The following AKAP19 variants were observed in gnomAD, a reference collection of about 807,000 sequenced individuals.
AKAP19 encodes A-kinase anchoring protein 19.
At chr2:190,102,323 G>C in the AKAP19 span, among the ~76,000 whole-genome samples, 1 of 149,790 alleles carries the variant, frequency 6.7e-6, no homozygotes, top group Admixed American at 6.6e-5. Flanking sequence ...CAGAAGAAGA[G>C]GAATAACTAA....
At chr2:190,169,269 A>G in the AKAP19 span, among the ~76,000 whole-genome samples, 9 of 152,086 alleles carry the variant, frequency 5.9e-5, no homozygotes, top group African/African-American at 1.7e-4. Context: ...CCCATGATTC[A>G]ATTACCTCCC....
chr2:190,029,311 G>A, the AKAP19 span, among the ~76,000 whole-genome samples: 1 of 152,058 alleles, frequency 6.6e-6, no homozygotes, highest in East Asian at 1.9e-4. Flanking sequence ...CTCGGCCTCC[G>A]AGAGTGCAGG....
chr2:189,879,571 C>T, the AKAP19 span: 1 of 152,370 alleles, frequency 6.6e-6, no homozygotes, highest in Non-Finnish European at 1.5e-5. Flanking sequence ...CAATCTTCCG[C>T]AGCGCTCCCA....
At chr2:190,181,626 T>C in the AKAP19 span, among the ~76,000 whole-genome samples, 4 of 152,156 alleles carry the variant, frequency 2.6e-5, no homozygotes, top group African/African-American at 7.2e-5. Flanking sequence ...AGCGGAACAA[T>C]TGGAGTTGTC....
chr2:189,923,799 G>A, the AKAP19 span: 4 of 1,612,326 alleles, frequency 2.5e-6, no homozygotes, highest in African/African-American at 1.3e-5. Flanking sequence ...ACTTCACAAA[G>A]GGGCATAAGT....
the AKAP19 span, among the ~76,000 whole-genome samples, chr2:189,966,401 G>A: frequency 1.6e-4 from 25 of 152,096 alleles, no homozygotes; most frequent in African/African-American, 5.8e-4. Flanking sequence ...CCTTCAATTT[G>A]TAAAAAATGC....
the AKAP19 span, among the ~76,000 whole-genome samples, chr2:189,963,197 C>CTTTTTTTTTT: frequency 1.4e-4 from 4 of 28,326 alleles, no homozygotes; most frequent in Non-Finnish European, 7.1e-4. Context: ...GGCTTCACTT[C>CTTTTTTTTTT]TCTTTTTTTT....
the AKAP19 span, among the ~76,000 whole-genome samples, chr2:190,170,250 A>G: frequency 6.6e-6 from 1 of 152,318 alleles, no homozygotes; most frequent in East Asian, 1.9e-4. Context: ...ATCTCTAAAT[A>G]TGATCACATT....
At chr2:190,157,323 A>G in the AKAP19 span, among the ~76,000 whole-genome samples, 1 of 151,100 alleles carries the variant, frequency 6.6e-6, no homozygotes, top group Non-Finnish European at 1.5e-5. Flanking sequence ...AGTATATAAA[A>G]TAAGATCACA....
the AKAP19 span, among the ~76,000 whole-genome samples, chr2:190,084,859 C>G: frequency 6.6e-6 from 1 of 152,318 alleles, no homozygotes; most frequent in African/African-American, 2.4e-5. Flanking sequence ...AGGGTTTTAT[C>G]TGGGGACAGA....
chr2:190,071,066 G>A, the AKAP19 span, among the ~76,000 whole-genome samples: 3 of 152,298 alleles, frequency 2.0e-5, no homozygotes, highest in South Asian at 6.2e-4. Context: ...CCAACTGAGT[G>A]TGGGCCTAGG....
At chr2:190,005,210 G>A in the AKAP19 span, among the ~76,000 whole-genome samples, 19 of 152,280 alleles carry the variant, frequency 1.2e-4, no homozygotes, top group East Asian at 5.8e-4. Context: ...CAAAGCTTCC[G>A]CAGCATGCAG....
the AKAP19 span, among the ~76,000 whole-genome samples, chr2:190,169,793 A>G: frequency 6.6e-6 from 1 of 152,208 alleles, no homozygotes; most frequent in Non-Finnish European, 1.5e-5. Flanking sequence ...TATTAGCTGG[A>G]TGCTTTAAGA....
At chr2:189,968,662 G>A in the AKAP19 span, among the ~76,000 whole-genome samples, 3 of 152,252 alleles carry the variant, frequency 2.0e-5, no homozygotes, top group Admixed American at 2.0e-4. Context: ...CAGAAAGGTT[G>A]AGAGTAGAAG....
chr2:190,185,605 G>C, the AKAP19 span, among the ~76,000 whole-genome samples: 1 of 152,212 alleles, frequency 6.6e-6, no homozygotes, highest in Non-Finnish European at 1.5e-5. Context: ...GGTAGCCAGA[G>C]TGAAGCCCAG....
the AKAP19 span, among the ~76,000 whole-genome samples, chr2:190,196,631 C>T: frequency 1.3e-5 from 2 of 150,720 alleles, no homozygotes. Context: ...TGTAAGGCAT[C>T]TGGCTTATGT....
At chr2:189,920,550 T>C in the AKAP19 span, among the ~76,000 whole-genome samples, 1 of 152,184 alleles carries the variant, frequency 6.6e-6, no homozygotes, top group African/African-American at 2.4e-5. Flanking sequence ...GAAAGAGAGA[T>C]GAATAGAGAT....
At chr2:190,022,340 T>C in the AKAP19 span, among the ~76,000 whole-genome samples, 3 of 152,158 alleles carry the variant, frequency 2.0e-5, no homozygotes, top group Non-Finnish European at 4.4e-5. Flanking sequence ...AAAATGGACA[T>C]GGGGTGTGTA....
At chr2:189,973,769 A>C in the AKAP19 span, among the ~76,000 whole-genome samples, 1 of 152,088 alleles carries the variant, frequency 6.6e-6, no homozygotes, top group African/African-American at 2.4e-5. Context: ...GTTTATTTGC[A>C]TAGAGGTGTC....
Sources: gnomAD v4.1 joint callset for allele counts (sites outside exome capture counted in the v4.1 genomes callset) on GRCh38, gnomAD v4.1.1 for gene constraint, MANE v1.5 for transcripts, NCBI Gene and HGNC (gene_info 2026-07-23, HGNC 2026-07-21) for gene names.